HS6ST3: variants seen among roughly 807,000 people sequenced by gnomAD.
HS6ST3 encodes the protein heparan-sulfate 6-O-sulfotransferase 3.
HS6ST3 carries 12 observed loss-of-function variants against 36.7 expected under a neutral mutation model. The ratio of observed to expected loss-of-function variants is 0.33; its 90% CI spans 0.21 to 0.53. HS6ST3 has a LOEUF of 0.53. Among genes scored for constraint, HS6ST3 ranks in the 20% least tolerant of loss-of-function variants. The probability of loss-of-function intolerance (pLI) is 0.95; values close to 1 mark genes in which losing one functional copy is unlikely to be tolerated. For missense variants in HS6ST3, 584 were observed against 640.9 expected, an observed-to-expected ratio of 0.91 and a Z score of 0.96; for synonymous variants, 240 against 257.5, an observed-to-expected ratio of 0.93 and a Z score of 0.65.
intron 1 of HS6ST3, among the ~76,000 whole-genome samples, chr13:96,543,437 T>A (rs1176885949): frequency 6.6e-6 from 1 of 152,186 alleles, no homozygotes; most frequent in Non-Finnish European, 1.5e-5. Flanking sequence ...CAGATGCCCC[T>A]GCCCACACCA....
chr13:96,118,432 A>G (rs1394070451), intron 1 of HS6ST3, among the ~76,000 whole-genome samples: 1 of 151,854 alleles, frequency 6.6e-6, no homozygotes, highest in African/African-American at 2.4e-5. Context: ...TGGGAGATTA[A>G]ATTTCTGTTG....
intron 1 of HS6ST3, among the ~76,000 whole-genome samples, chr13:96,687,833 T>G (rs895391208): frequency 6.6e-6 from 1 of 152,064 alleles, no homozygotes; most frequent in African/African-American, 2.4e-5. Flanking sequence ...TTGTAATTTC[T>G]CACTAAACAC....
chr13:96,574,981 T>G (rs2056315562), intron 1 of HS6ST3, among the ~76,000 whole-genome samples: 1 of 152,134 alleles, frequency 6.6e-6, no homozygotes, highest in South Asian at 2.1e-4. Context: ...GACTTCCAGT[T>G]TATTGCATAC....
At chr13:96,742,052 T>TG (rs1876453876) in intron 1 of HS6ST3, among the ~76,000 whole-genome samples, 1 of 152,110 alleles carries the variant, frequency 6.6e-6, no homozygotes, top group African/African-American at 2.4e-5. Flanking sequence ...AACATCCCGT[T>TG]GAGAGAGAGT....
chr13:96,256,515 T>G (rs2054638398), intron 1 of HS6ST3, among the ~76,000 whole-genome samples: 1 of 152,208 alleles, frequency 6.6e-6, no homozygotes. Context: ...GTGGTAGGGA[T>G]CAGGAAGGCA....
chr13:96,811,114 T>C (rs938645073), intron 1 of HS6ST3, among the ~76,000 whole-genome samples: 1 of 152,138 alleles, frequency 6.6e-6, no homozygotes, highest in Non-Finnish European at 1.5e-5. Context: ...TTCTTGTTAA[T>C]GAAGTAAAAT....
chr13:96,564,557 A>T (rs2056274151), intron 1 of HS6ST3, among the ~76,000 whole-genome samples: 1 of 152,196 alleles, frequency 6.6e-6, no homozygotes, highest in Non-Finnish European at 1.5e-5. Context: ...CAATATATAC[A>T]TGAAAATATA....
At chr13:96,246,351 AG>A (rs1371291531) in intron 1 of HS6ST3, among the ~76,000 whole-genome samples, 1 of 152,180 alleles carries the variant, frequency 6.6e-6, no homozygotes, top group African/African-American at 2.4e-5. Context: ...GAAGAAAATT[AG>A]GTTAGCTATC....
intron 1 of HS6ST3, among the ~76,000 whole-genome samples, chr13:96,814,406 G>T (rs1878378756): frequency 6.6e-6 from 1 of 152,044 alleles, no homozygotes; most frequent in Non-Finnish European, 1.5e-5. Flanking sequence ...GTGGCGAGTT[G>T]ATTTTTATTC....
chr13:96,433,883 C>T (rs1327901518), intron 1 of HS6ST3, among the ~76,000 whole-genome samples: 1 of 152,054 alleles, frequency 6.6e-6, no homozygotes, highest in Non-Finnish European at 1.5e-5. Context: ...TGCAGTGAGC[C>T]GAGGTCATGC....
At chr13:96,210,660 C>A (rs1317341700) in intron 1 of HS6ST3, among the ~76,000 whole-genome samples, 1 of 150,474 alleles carries the variant, frequency 6.6e-6, no homozygotes, top group Admixed American at 6.6e-5. Context: ...GTGGCACAAT[C>A]TCAGCTTACT....
chr13:96,495,674 G>A (rs987225954), intron 1 of HS6ST3, among the ~76,000 whole-genome samples: 1 of 152,076 alleles, frequency 6.6e-6, no homozygotes, highest in Non-Finnish European at 1.5e-5. Flanking sequence ...CTAGCCTGGG[G>A]CAAGGGGAGT....
intron 1 of HS6ST3, among the ~76,000 whole-genome samples, chr13:96,755,350 TTTTTTG>T (rs751855286): frequency 1.3e-4 from 19 of 151,336 alleles, no homozygotes; most frequent in East Asian, 7.7e-4. Flanking sequence ...GTTTTTTTGT[TTTTTTG>T]TTTTTGTTTT....
intron 1 of HS6ST3, among the ~76,000 whole-genome samples, chr13:96,163,210 A>G (rs2054144350): frequency 6.8e-6 from 1 of 146,106 alleles, no homozygotes; most frequent in Non-Finnish European, 1.5e-5. Context: ...CTGGTGTTTA[A>G]GTCTGAGATA....
At chr13:96,432,428 C>A (rs2055620163) in intron 1 of HS6ST3, among the ~76,000 whole-genome samples, 1 of 152,144 alleles carries the variant, frequency 6.6e-6, no homozygotes, top group South Asian at 2.1e-4. Flanking sequence ...TAAAAGATAT[C>A]TTTTCTAGTA....
chr13:96,331,983 G>C (rs1048074247), intron 1 of HS6ST3, among the ~76,000 whole-genome samples: 4 of 152,218 alleles, frequency 2.6e-5, no homozygotes, highest in African/African-American at 9.7e-5. Flanking sequence ...ACTCGGAAAG[G>C]GAACTCCCTG....
Position 96,211,305 on chromosome 13 carries a change from A to G in HS6ST3, c.707+119736A>G, listed in dbSNP as rs1054804075. Among the ~76,000 whole-genome samples, 4 of 152,276 alleles carry G rather than the reference A, an allele frequency of 2.6e-5. No homozygotes were observed. The South Asian group carries it at 6.2e-4, about 24-fold the overall frequency. On this transcript the variant is annotated intron_variant, in intron 1 of 1. Coordinates refer to ENST00000376705, the MANE Select transcript of HS6ST3 (RefSeq NM_153456.4). ...AAACTTCCAGCCATGGGTCTTCTAGAAACCTGACCACTGTTCATCTGGAGC... is the reference window on the plus strand; with the variant it reads ...AAACTTCCAGCCATGGGTCTTCTAGGAACCTGACCACTGTTCATCTGGAGC...
At chr13:96,100,562 A>G (rs1027892788) in intron 1 of HS6ST3, among the ~76,000 whole-genome samples, 8 of 152,230 alleles carry the variant, frequency 5.3e-5, no homozygotes, top group South Asian at 4.1e-4. Context: ...CAGTTTCAGT[A>G]GTAGGAGAGA....
At chr13:96,688,042 G>T (rs1408355798) in intron 1 of HS6ST3, among the ~76,000 whole-genome samples, 7 of 4,218 alleles carry the variant, frequency 1.7e-3, no homozygotes, top group African/African-American at 2.3e-3. Context: ...ACAGGAAGGG[G>T]AACATCACAC....
Sources: gnomAD v4.1 joint callset for allele counts (sites outside exome capture counted in the v4.1 genomes callset) on GRCh38, gnomAD v4.1.1 for gene constraint, MANE v1.5 for transcripts, NCBI Gene and HGNC (gene_info 2026-07-23, HGNC 2026-07-21) for gene names.